The following MYLK variants were observed in gnomAD, a reference collection of about 807,000 sequenced individuals.
MYLK encodes myosin light chain kinase, also known as myosin light chain kinase, smooth muscle.
Under a neutral mutation model 203.4 loss-of-function variants are expected in MYLK, and 106 were observed. That is an observed-to-expected ratio of 0.52 (90% CI 0.45 to 0.61). MYLK has a LOEUF of 0.61. Among genes scored for constraint, MYLK ranks in the 20% least tolerant of loss-of-function variants. The pLI is 0.00. For synonymous variants in MYLK, 867 were observed against 959.5 expected (o/e 0.90, Z 1.78); for missense variants, 2,072 against 2,442.3 (o/e 0.85, Z 3.20).
chr3:123,669,743 G>A (rs922839188), intron 20 of MYLK, among the ~76,000 whole-genome samples: 2 of 151,968 alleles, frequency 1.3e-5, no homozygotes, highest in African/African-American at 2.4e-5. Context: ...AAGAATATAT[G>A]AAAAAGCAAG....
At chr3:123,861,738 G>A (rs2031943038) in intron 2 of MYLK, among the ~76,000 whole-genome samples, 1 of 152,108 alleles carries the variant, frequency 6.6e-6, no homozygotes, top group African/African-American at 2.4e-5. Flanking sequence ...ACCCCAGCAG[G>A]TACTTGACAA....
At chr3:123,747,305 T>C (rs1560166884) in intron 5 of MYLK, among the ~76,000 whole-genome samples, 1 of 152,300 alleles carries the variant, frequency 6.6e-6, no homozygotes, top group East Asian at 1.9e-4. Flanking sequence ...ACCTGCTGGC[T>C]GGCCCTCTCT....
At chr3:123,709,056 A>C in intron 14 of MYLK, 161 bp from the exon 15 acceptor site, 6 of 608,458 alleles carry the variant, frequency 9.9e-6, no homozygotes, top group East Asian at 2.9e-5. Context: ...GATCTACCTC[A>C]TGGGTTTGTT....
chr3:123,855,018 C>G (rs916044721), intron 2 of MYLK, among the ~76,000 whole-genome samples: 2 of 151,942 alleles, frequency 1.3e-5, no homozygotes, highest in African/African-American at 2.4e-5. Flanking sequence ...TCTTTTTTCT[C>G]TTTTCTGAAG....
intron 24 of MYLK, among the ~76,000 whole-genome samples, chr3:123,652,943 C>A (rs369632552): frequency 2.0e-5 from 3 of 152,250 alleles, no homozygotes; most frequent in Non-Finnish European, 1.5e-5. Flanking sequence ...CCCAGTGTAT[C>A]CCCAGTGCCC....
intron 2 of MYLK, among the ~76,000 whole-genome samples, chr3:123,850,364 T>C (rs1208424659): frequency 3.3e-5 from 5 of 152,204 alleles, no homozygotes; most frequent in Admixed American, 1.3e-4. Context: ...CCACCAACAG[T>C]GTAAAAGTGT....
intron 20 of MYLK, among the ~76,000 whole-genome samples, chr3:123,669,597 T>C (rs1475492982): frequency 6.6e-6 from 1 of 152,130 alleles, no homozygotes; most frequent in Non-Finnish European, 1.5e-5. Flanking sequence ...CACTGAAGTA[T>C]TTAGGTGTAG....
intron 8 of MYLK, 152 bp from the exon 9 acceptor site, chr3:123,735,568 C>T (rs1469152114): frequency 2.5e-6 from 2 of 803,816 alleles, no homozygotes; most frequent in South Asian, 1.4e-5. Flanking sequence ...TTGAACTCCC[C>T]CCAGCCCTAG....
At chr3:123,697,415 G>A (rs2060975131) in intron 18 of MYLK, among the ~76,000 whole-genome samples, 1 of 152,130 alleles carries the variant, frequency 6.6e-6, no homozygotes, top group Non-Finnish European at 1.5e-5. Flanking sequence ...TTCAACCTTT[G>A]GACAACTCTT....
intron 2 of MYLK, among the ~76,000 whole-genome samples, chr3:123,858,411 T>C (rs1236634570): frequency 6.6e-6 from 1 of 152,164 alleles, no homozygotes; most frequent in African/African-American, 2.4e-5. Context: ...CTGTTGCTTA[T>C]AACAGAATAC....
intron 1 of MYLK, among the ~76,000 whole-genome samples, chr3:123,882,424 A>G (rs939167635): frequency 2.0e-5 from 3 of 152,330 alleles, no homozygotes; most frequent in Admixed American, 1.3e-4. Flanking sequence ...AAAATAAAAA[A>G]TAAAAATAAA....
intron 13 of MYLK, among the ~76,000 whole-genome samples, chr3:123,712,290 T>C (rs1007776497): frequency 2.6e-5 from 4 of 152,078 alleles, no homozygotes; most frequent in African/African-American, 4.8e-5. Context: ...CTCGGGAGAG[T>C]TGAGGAATTT....
At chr3:123,653,252 C>G (rs2059277878) in intron 24 of MYLK, among the ~76,000 whole-genome samples, 1 of 152,162 alleles carries the variant, frequency 6.6e-6, no homozygotes, top group Non-Finnish European at 1.5e-5. Context: ...CACACACACA[C>G]ACGTGCGTGA....
At position 123,731,627 on chromosome 3, in the gene MYLK, T is replaced by G. The variant is rs9847268; in HGVS notation, c.1516+1269A>C. Among the ~76,000 whole-genome samples, 1,119 of 152,314 alleles carry G rather than the reference T, an allele frequency of 7.3e-3. 13 individuals carry two copies. The highest frequency in any genetic ancestry group is 0.026 in the African/African-American group (1,087 of 41,568). On this transcript the variant is annotated intron_variant, in intron 11 of 33. Coordinates refer to ENST00000360304, the MANE Select transcript of MYLK (RefSeq NM_053025.4). ...GACAAAGCAGTGTAGTGAATTCCTA[T>G]GTACCCATCTCTCAACTTTCATTTA...
intron 3 of MYLK, among the ~76,000 whole-genome samples, chr3:123,802,058 GTCTT>G (rs2065215529): frequency 6.6e-6 from 1 of 152,160 alleles, no homozygotes; most frequent in Non-Finnish European, 1.5e-5. Context: ...ATGTATAAGT[GTCTT>G]TCTTTTTTTC....
chr3:123,734,012 CGA>C lies in MYLK; in HGVS notation c.982_983del (p.Ser328AlafsTer72). 1 of 1,614,172 alleles carries C rather than the reference CGA, an allele frequency of 6.2e-7. No individual in the cohort carries two copies. The highest frequency in any genetic ancestry group is 8.5e-7 in the Non-Finnish European group (1 of 1,180,038). ...CCGGGGTCTGCGGGGCCGTTCTGGG[CGA>C]GTCCTTGCATGACTCCAGCTTGGAC... Reference protein sequence around the residue: ...RESKLESCKDSPRTAPQTPVL... With the variant: ...RESKLESCKDXPRTAPQTPVL... On this transcript the variant is annotated frameshift_variant, in exon 10 of 34. Transcript: ENST00000360304. LOFTEE classifies it high-confidence loss of function.
chr3:123,619,234 G>T (rs902243992), intron 32 of MYLK, among the ~76,000 whole-genome samples: 71 of 152,240 alleles, frequency 4.7e-4, no homozygotes, highest in African/African-American at 1.5e-3. Flanking sequence ...CTTTCTCCAT[G>T]CTCACACTGC....
At chr3:123,766,244 C>T (rs2063697925) in intron 4 of MYLK, among the ~76,000 whole-genome samples, 1 of 152,200 alleles carries the variant, frequency 6.6e-6, no homozygotes, top group African/African-American at 2.4e-5. Flanking sequence ...TGAAAATTTC[C>T]AATGAGTTCT....
intron 18 of MYLK, among the ~76,000 whole-genome samples, chr3:123,695,004 C>T (rs2060854108): frequency 6.6e-6 from 1 of 152,232 alleles, no homozygotes; most frequent in African/African-American, 2.4e-5. Context: ...CTGCAGAGCT[C>T]CGCCTGGGAG....
Sources: gnomAD v4.1 joint callset for allele counts (sites outside exome capture counted in the v4.1 genomes callset) on GRCh38, gnomAD v4.1.1 for gene constraint, MANE v1.5 for transcripts, NCBI Gene and HGNC (gene_info 2026-07-23, HGNC 2026-07-21) for gene names.